Variants in RAPGEF2 observed in about 807,000 individuals in gnomAD.
RAPGEF2 encodes Rap guanine nucleotide exchange factor 2.
A neutral mutation model predicts 186.7 loss-of-function variants in RAPGEF2; 54 were observed. The observed-to-expected ratio is 0.29, with a 90% CI of 0.23 to 0.36. The LOEUF is 0.36. Among genes scored for constraint, RAPGEF2 ranks in the 10% least tolerant of loss-of-function variants. The probability of loss-of-function intolerance (pLI) is 1.00; values close to 1 mark genes in which losing one functional copy is unlikely to be tolerated. For missense variants in RAPGEF2, 1,532 were observed against 2,045.0 expected (o/e 0.75, Z 4.84); for synonymous variants, 712 against 705.9 (o/e 1.01, Z -0.14).
chr4:159,190,269 G>A (rs948002577), intron 2 of RAPGEF2, among the ~76,000 whole-genome samples: 11 of 152,186 alleles, frequency 7.2e-5, no homozygotes, highest in African/African-American at 2.2e-4. Flanking sequence ...GAGATCATCT[G>A]ACTTAGTGGT....
At chr4:159,295,750 TGTGTGC>T (rs769062171) in intron 7 of RAPGEF2, among the ~76,000 whole-genome samples, 1,445 of 104,508 alleles carry the variant, frequency 0.014, 16 homozygotes, top group East Asian at 0.034. Flanking sequence ...TGTGTGTGTG[TGTGTGC>T]GCGCGCGCGC....
chr4:159,266,578 T>TA (rs530774146), intron 7 of RAPGEF2, among the ~76,000 whole-genome samples: 244 of 150,974 alleles, frequency 1.6e-3, no homozygotes, highest in African/African-American at 4.6e-3. Flanking sequence ...TTTGGTTTTT[T>TA]AAAAAAAAAA....
At chr4:159,259,179 T>G (rs1756524522) in intron 7 of RAPGEF2, among the ~76,000 whole-genome samples, 1 of 152,234 alleles carries the variant, frequency 6.6e-6, no homozygotes, top group Non-Finnish European at 1.5e-5. Flanking sequence ...TCCCAATCTA[T>G]GAAATTACTC....
At chr4:159,133,626 C>T (rs1460341500) in intron 1 of RAPGEF2, among the ~76,000 whole-genome samples, 2 of 151,448 alleles carry the variant, frequency 1.3e-5, no homozygotes, top group Non-Finnish European at 2.9e-5. Flanking sequence ...CTCTGTCACC[C>T]ATGCTGGAGT....
At chr4:159,137,167 G>A (rs1478705925) in intron 1 of RAPGEF2, among the ~76,000 whole-genome samples, 1 of 152,044 alleles carries the variant, frequency 6.6e-6, no homozygotes, top group Non-Finnish European at 1.5e-5. Flanking sequence ...AGTCCATTTG[G>A]GCTGCCATAA....
At chr4:159,253,529 T>G (rs1755734258) in intron 7 of RAPGEF2, among the ~76,000 whole-genome samples, 1 of 152,254 alleles carries the variant, frequency 6.6e-6, no homozygotes, top group Non-Finnish European at 1.5e-5. Flanking sequence ...TAGTTGAAAC[T>G]TCAAATTTTA....
In RAPGEF2 at chr4:159,268,184, A is replaced by G. The variant is rs1419162371; in HGVS notation, c.543+24393A>G. The G allele has an allele frequency of 2.5e-6, 4 of 1,611,246 alleles. No homozygotes were observed. In the African/African-American group the frequency reaches 4.0e-5, roughly 16 times the overall value. ...AAACCACTAGCAATCCCAGCTAACC[A>G]TGGAGTTATGGGCCAGCAGGAGAAA... On this transcript the variant is annotated intron_variant, in intron 7 of 29. Transcript: ENST00000691494.
At chr4:159,196,214 A>T (rs1748637865) in intron 3 of RAPGEF2, among the ~76,000 whole-genome samples, 1 of 152,184 alleles carries the variant, frequency 6.6e-6, no homozygotes, top group Admixed American at 6.5e-5. Flanking sequence ...CATGATCCTT[A>T]GACATGTTTC....
At chr4:159,164,299 C>T (rs537301023) in intron 1 of RAPGEF2, among the ~76,000 whole-genome samples, 2,149 of 124,472 alleles carry the variant, frequency 0.017, 58 homozygotes, top group African/African-American at 0.066. Context: ...CCACTGCACC[C>T]GGCTGTTTTT....
At chr4:159,256,596 G>A (rs577434110) in intron 7 of RAPGEF2, among the ~76,000 whole-genome samples, 53 of 152,244 alleles carry the variant, frequency 3.5e-4, no homozygotes, top group African/African-American at 1.3e-3. Flanking sequence ...TGCTATTTCT[G>A]CCTCTAGGTC....
chr4:159,279,226 G>T (rs1176865052), intron 7 of RAPGEF2, among the ~76,000 whole-genome samples: 1 of 152,200 alleles, frequency 6.6e-6, no homozygotes, highest in Admixed American at 6.5e-5. Flanking sequence ...ACATAGAGAG[G>T]TAAAGTAACT....
At chr4:159,217,508 T>C (rs116431534) in intron 4 of RAPGEF2, among the ~76,000 whole-genome samples, 1,818 of 152,332 alleles carry the variant, frequency 0.012, 36 homozygotes, top group African/African-American at 0.042. Flanking sequence ...TTAAGGCTAG[T>C]AGCATTCCAT....
intron 7 of RAPGEF2, among the ~76,000 whole-genome samples, chr4:159,254,236 A>G (rs551447649): frequency 1.3e-5 from 2 of 152,344 alleles, no homozygotes; most frequent in East Asian, 1.9e-4. Context: ...CAGTAGTTAC[A>G]TAGTAGTAGT....
At chr4:159,266,688 A>G (rs1049480707) in intron 7 of RAPGEF2, among the ~76,000 whole-genome samples, 1 of 152,148 alleles carries the variant, frequency 6.6e-6, no homozygotes, top group Non-Finnish European at 1.5e-5. Flanking sequence ...CATCATCTAA[A>G]TGTATACAAA....
At chr4:159,212,669 T>C (rs1370150029) in intron 4 of RAPGEF2, among the ~76,000 whole-genome samples, 1 of 152,224 alleles carries the variant, frequency 6.6e-6, no homozygotes, top group Non-Finnish European at 1.5e-5. Flanking sequence ...ATTTAGTTAA[T>C]AATTTTAAAG....
rs114877890 is a variant in RAPGEF2 at position 159,216,228 on chromosome 4, T to G, written c.281+5645T>G. ...GATCTACCCCTGCCATCATGTAACTTAGTATCTGCTTGGGGCGATGAGGCG... is the reference window on the plus strand; with the variant it reads ...GATCTACCCCTGCCATCATGTAACTGAGTATCTGCTTGGGGCGATGAGGCG... On this transcript the variant is annotated intron_variant, in intron 4 of 29. Transcript: ENST00000691494. Among the ~76,000 whole-genome samples, 560 of 152,256 alleles carry G rather than the reference T, an allele frequency of 3.7e-3. 2 individuals carry two copies. The highest frequency in any genetic ancestry group is 0.012 in the African/African-American group (508 of 41,550).
chr4:159,136,783 A>G (rs1297732783), intron 1 of RAPGEF2, among the ~76,000 whole-genome samples: 1 of 152,164 alleles, frequency 6.6e-6, no homozygotes, highest in East Asian at 1.9e-4. Flanking sequence ...CTGAACTTGA[A>G]TATAATATAA....
intron 1 of RAPGEF2, chr4:159,128,958 AT>A (rs1270820098): frequency 1.3e-4 from 19 of 147,026 alleles, no homozygotes; most frequent in African/African-American, 4.4e-4. Flanking sequence ...ATATATATAT[AT>A]ATAAATCTAT....
At chr4:159,198,622 T>C (rs899795395) in intron 3 of RAPGEF2, among the ~76,000 whole-genome samples, 18 of 151,288 alleles carry the variant, frequency 1.2e-4, no homozygotes, top group Non-Finnish European at 1.8e-4. Context: ...ATTTTTGTAG[T>C]TTTAGTAGTG....
Sources: gnomAD v4.1 joint callset for allele counts (sites outside exome capture counted in the v4.1 genomes callset) on GRCh38, gnomAD v4.1.1 for gene constraint, MANE v1.5 for transcripts, NCBI Gene and HGNC (gene_info 2026-07-23, HGNC 2026-07-21) for gene names.